The following UTRN variants were observed in gnomAD, a reference collection of about 807,000 sequenced individuals.
UTRN encodes the protein dystrophin-related protein 1.
UTRN carries 283 observed loss-of-function variants against 463.9 expected under a neutral mutation model. The ratio of observed to expected loss-of-function variants is 0.61; its 90% confidence interval spans 0.55 to 0.67. The LOEUF (loss-of-function observed/expected upper bound fraction) is 0.67. Among genes scored for constraint, UTRN ranks in the 30% least tolerant of loss-of-function variants. The pLI is 0.00. For synonymous variants in UTRN, 1,442 were observed against 1,431.5 expected, an observed-to-expected ratio of 1.01 and a Z score of -0.17; for missense variants, 3,922 against 4,084.3, an observed-to-expected ratio of 0.96 and a Z score of 1.08.
chr6:144,371,351 A>G (rs1372796817), intron 2 of UTRN, among the ~76,000 whole-genome samples: 1 of 152,158 alleles, frequency 6.6e-6, no homozygotes, highest in Non-Finnish European at 1.5e-5. Context: ...ATTATTTACC[A>G]TGAACCTAAT....
At chr6:144,783,528 G>A (rs574518414) in intron 61 of UTRN, among the ~76,000 whole-genome samples, 8 of 152,196 alleles carry the variant, frequency 5.3e-5, no homozygotes, top group Admixed American at 1.3e-4. Flanking sequence ...GATCAAATCA[G>A]GGAAGTTAAA....
intron 50 of UTRN, among the ~76,000 whole-genome samples, chr6:144,563,068 A>AC (rs1800079025): frequency 6.6e-6 from 1 of 152,202 alleles, no homozygotes; most frequent in Non-Finnish European, 1.5e-5. Flanking sequence ...TTTATTCAGT[A>AC]AGATAACTTT....
chr6:144,793,704 C>T, intron 62 of UTRN, 130 bp from the exon 63 acceptor site: 1 of 1,097,482 alleles, frequency 9.1e-7, no homozygotes. Context: ...ATTCAGGAGA[C>T]AACGAATCAG....
At chr6:144,783,259 A>G (rs972230450) in intron 61 of UTRN, among the ~76,000 whole-genome samples, 1 of 152,084 alleles carries the variant, frequency 6.6e-6, no homozygotes, top group Non-Finnish European at 1.5e-5. Flanking sequence ...AAAAGTTATT[A>G]TCTATTAATT....
chr6:144,398,000 C>G (rs1232197698), intron 2 of UTRN: 8 of 224,776 alleles, frequency 3.6e-5, no homozygotes, highest in Non-Finnish European at 7.6e-5. Context: ...AGCAGAAAGA[C>G]TGGCAGCATT....
intron 53 of UTRN, among the ~76,000 whole-genome samples, chr6:144,722,273 G>A (rs1181128302): frequency 6.6e-6 from 1 of 151,796 alleles, no homozygotes; most frequent in Non-Finnish European, 1.5e-5. Context: ...TGCCTAGATT[G>A]CTCTTTTGCC....
chr6:144,700,551 G>T (rs931673558), intron 53 of UTRN, among the ~76,000 whole-genome samples: 1 of 151,324 alleles, frequency 6.6e-6, no homozygotes, highest in African/African-American at 2.4e-5. Flanking sequence ...GAGGTTTTGG[G>T]TTTTTTTTGT....
intron 46 of UTRN, 105 bp downstream of exon 46, chr6:144,542,975 A>T: frequency 1.1e-6 from 1 of 897,960 alleles, no homozygotes; most frequent in Non-Finnish European, 1.7e-6. Flanking sequence ...ACGTCGTGCC[A>T]TTTTCTTTAT....
At chr6:144,618,552 A>T (rs1227388634) in intron 51 of UTRN, among the ~76,000 whole-genome samples, 2 of 152,116 alleles carry the variant, frequency 1.3e-5, no homozygotes, top group African/African-American at 4.8e-5. Flanking sequence ...TTGGTTTTCA[A>T]AATCTATTTG....
intron 50 of UTRN, among the ~76,000 whole-genome samples, chr6:144,571,396 G>A (rs923287838): frequency 6.6e-6 from 1 of 152,150 alleles, no homozygotes; most frequent in Non-Finnish European, 1.5e-5. Context: ...GTTTATAACA[G>A]AATATAGTTC....
At position 144,823,130 on chromosome 6, in the gene UTRN, C is replaced by T. The variant is rs142272889; in HGVS notation, c.9494+2112C>T. ...TTGGGGTGTAATTCTGAAAATGCCT[C>T]GCCTCAATTCATTCAATTGAAAATG... On this transcript the variant is annotated intron_variant, in intron 66 of 74. Coordinates refer to ENST00000367545, the MANE Select transcript of UTRN (RefSeq NM_007124.3). 8.3e-4 allele frequency among the ~76,000 whole-genome samples: 126 copies of T among 152,078 alleles called. 1 individual carries two copies. The East Asian group carries it at 0.019, about 23-fold the overall frequency.
intron 2 of UTRN, among the ~76,000 whole-genome samples, chr6:144,335,411 TTG>T (rs1369345403): frequency 1.3e-5 from 2 of 152,276 alleles, no homozygotes; most frequent in Non-Finnish European, 2.9e-5. Flanking sequence ...AACAGGTTGT[TTG>T]TGCCTGTCTT....
chr6:144,498,502 G>T (rs1162673558), intron 33 of UTRN, among the ~76,000 whole-genome samples: 2 of 152,068 alleles, frequency 1.3e-5, no homozygotes, highest in African/African-American at 4.8e-5. Context: ...TGTGAAAATG[G>T]TGCTATTTTC....
chr6:144,318,377 C>T (rs1372634465), intron 2 of UTRN, among the ~76,000 whole-genome samples: 4 of 152,198 alleles, frequency 2.6e-5, no homozygotes, highest in African/African-American at 9.7e-5. Flanking sequence ...TCACTGCAAC[C>T]TCTACCTCCT....
At chr6:144,849,165 G>A (rs1003270896) in intron 74 of UTRN, among the ~76,000 whole-genome samples, 9 of 152,128 alleles carry the variant, frequency 5.9e-5, no homozygotes, top group African/African-American at 2.2e-4. Context: ...TATAGGACAG[G>A]TTTCAAGAGC....
At chr6:144,547,141 A>AT (rs1338954071) in intron 46 of UTRN, among the ~76,000 whole-genome samples, 1 of 152,144 alleles carries the variant, frequency 6.6e-6, no homozygotes, top group East Asian at 1.9e-4. Flanking sequence ...TTTCATTTTA[A>AT]TTTGTACTAT....
chr6:144,356,978 CA>C (rs1778615804), intron 2 of UTRN, among the ~76,000 whole-genome samples: 1 of 151,956 alleles, frequency 6.6e-6, no homozygotes, highest in Admixed American at 6.6e-5. Context: ...AATAAAGTTA[CA>C]TTTTTTTGTA....
intron 51 of UTRN, among the ~76,000 whole-genome samples, chr6:144,636,730 T>C (rs73778345): frequency 0.011 from 1,695 of 152,356 alleles, 37 homozygotes; most frequent in African/African-American, 0.039. Flanking sequence ...ATTGGGATTA[T>C]AGTTGCTTGC....
chr6:144,426,526 C>T, intron 7 of UTRN, 67 bp downstream of exon 7: 1 of 1,471,670 alleles, frequency 6.8e-7, no homozygotes, highest in Non-Finnish European at 9.1e-7. Context: ...CCTTTGCTGC[C>T]ACCACTACTC....
Sources: gnomAD v4.1 joint callset for allele counts (sites outside exome capture counted in the v4.1 genomes callset) on GRCh38, gnomAD v4.1.1 for gene constraint, MANE v1.5 for transcripts, NCBI Gene and HGNC (gene_info 2026-07-23, HGNC 2026-07-21) for gene names.